SNX14: variants seen among roughly 807,000 people sequenced by gnomAD.
The protein encoded by SNX14 is sorting nexin-14.
SNX14 carries 93 observed loss-of-function variants against 133.8 expected under a neutral mutation model. The observed-to-expected ratio is 0.70, with a 90% CI of 0.59 to 0.83. SNX14 has a LOEUF of 0.83. SNX14 is among the 40% of genes least tolerant of loss of function. The pLI is 0.00. For synonymous variants in SNX14, 368 were observed against 365.6 expected (o/e 1.01, Z -0.07); for missense variants, 945 against 1,094.9 (o/e 0.86, Z 1.93).
Position 85,514,535 on chromosome 6 carries a change from T to C in SNX14, c.2363A>G (p.Glu788Gly), listed in dbSNP as rs1433019704. ...ATACATCAGGTAATCATAGACTCCT[T>C]CTACAGTCATCACCTCCATAAAATA... ...QNYFMEVMTV[E>G]GVYDYLMYVG... Residue 788 changes from glutamate to glycine, a missense_variant, in exon 24 of 29, where the codon GAA (glutamate) becomes GGA (glycine). By Grantham distance (98) the Glu-to-Gly change is moderately conservative. This residue lies in a region of SNX14 where 412 missense variants were observed against 516.6 expected (regional missense o/e 0.80). Coordinates refer to ENST00000314673, the MANE Select transcript of SNX14 (RefSeq NM_153816.6). The C allele has an allele frequency of 6.2e-7, 1 of 1,613,532 alleles. No individual in the cohort carries two copies.
chr6:85,538,587 T>C (rs1392117504), intron 16 of SNX14, among the ~76,000 whole-genome samples: 1 of 152,220 alleles, frequency 6.6e-6, no homozygotes, highest in South Asian at 2.1e-4. Flanking sequence ...TACTGACAAA[T>C]TAAACAATGA....
intron 2 of SNX14, among the ~76,000 whole-genome samples, chr6:85,573,594 A>G (rs1796356763): frequency 6.6e-6 from 1 of 152,210 alleles, no homozygotes; most frequent in Non-Finnish European, 1.5e-5. Flanking sequence ...AATTTCAGAA[A>G]TAAATTACTT....
At chr6:85,569,318 C>T (rs1419275784) in intron 4 of SNX14, among the ~76,000 whole-genome samples, 1 of 152,144 alleles carries the variant, frequency 6.6e-6, no homozygotes, top group East Asian at 1.9e-4. Context: ...TCCCTGCTTC[C>T]AAGCTCACTC....
chr6:85,514,404 A>G (rs1014450270), intron 24 of SNX14, 102 bp downstream of exon 24: 6 of 1,478,536 alleles, frequency 4.1e-6, no homozygotes, highest in Non-Finnish European at 5.5e-6. Context: ...GGTATCTTCA[A>G]TTAAAAAGAC....
At chr6:85,540,620 G>T (rs1186148665) in intron 15 of SNX14, among the ~76,000 whole-genome samples, 1 of 152,124 alleles carries the variant, frequency 6.6e-6, no homozygotes, top group Non-Finnish European at 1.5e-5. Context: ...TTTCAGAAAA[G>T]TTATTACATG....
intron 4 of SNX14, among the ~76,000 whole-genome samples, chr6:85,570,118 G>C (rs1333912633): frequency 6.6e-6 from 1 of 151,932 alleles, no homozygotes; most frequent in Admixed American, 6.6e-5. Context: ...AAATTATATT[G>C]TGATTACCTG....
At chr6:85,512,650 G>T (rs1464310441) in intron 26 of SNX14, among the ~76,000 whole-genome samples, 1 of 151,198 alleles carries the variant, frequency 6.6e-6, no homozygotes, top group African/African-American at 2.4e-5. Context: ...ATGTGGATGG[G>T]TAACCCCATG....
At position 85,565,319 on chromosome 6, in the gene SNX14, T is replaced by C; in HGVS notation, c.549+13A>G. 6.6e-7 allele frequency: 1 copy of C among 1,524,838 alleles called. No homozygotes were observed. The highest frequency in any genetic ancestry group is 8.9e-7 in the Non-Finnish European group (1 of 1,128,048). The allele number at this position is 1,524,838 out of a possible 1,614,324, so 94.5% of individuals were successfully genotyped here. On this transcript the variant is annotated intron_variant, in intron 6 of 28. Coordinates refer to ENST00000314673, the MANE Select transcript of SNX14 (RefSeq NM_153816.6). ...AGCCCCAAATTCCCAAATTTCTCAT[T>C]AAAAATATATACCTTGTGAATCCTT...
intron 26 of SNX14, chr6:85,508,320 T>TAAAAAAA: frequency 1.2e-6 from 1 of 868,804 alleles, no homozygotes. Context: ...AATGCTGCAG[T>TAAAAAAA]AAAAAAAAAA....
chr6:85,567,112 T>A (rs1794127807), intron 5 of SNX14, among the ~76,000 whole-genome samples: 1 of 152,256 alleles, frequency 6.6e-6, no homozygotes, highest in Non-Finnish European at 1.5e-5. Flanking sequence ...TACAAAATTA[T>A]TAAATCACTA....
At chr6:85,545,584 A>G (rs1276437843) in intron 12 of SNX14, among the ~76,000 whole-genome samples, 1 of 152,230 alleles carries the variant, frequency 6.6e-6, no homozygotes, top group Non-Finnish European at 1.5e-5. Flanking sequence ...ATTCATTAAG[A>G]AGATATAACA....
intron 12 of SNX14, among the ~76,000 whole-genome samples, chr6:85,544,121 ACT>A (rs1491145361): frequency 6.6e-6 from 1 of 152,168 alleles, no homozygotes; most frequent in Non-Finnish European, 1.5e-5. Flanking sequence ...AAAAATGAAG[ACT>A]TTTTTTAGTC....
chr6:85,541,952 T>A, intron 15 of SNX14, 33 bp downstream of exon 15: 6 of 1,540,550 alleles, frequency 3.9e-6, no homozygotes, highest in Non-Finnish European at 4.4e-6. Flanking sequence ...ATGACTGGCA[T>A]CAGCAAGTTC....
At chr6:85,508,251 T>C (rs1237829528) in intron 26 of SNX14, 192 bp from the exon 27 acceptor site, 1 of 1,228,200 alleles carries the variant, frequency 8.1e-7, no homozygotes, top group Non-Finnish European at 1.0e-6. Context: ...ACAAATGCAG[T>C]ATCATGTATC....
chr6:85,571,584 T>G (rs1187624109), intron 4 of SNX14, among the ~76,000 whole-genome samples: 1 of 152,174 alleles, frequency 6.6e-6, no homozygotes, highest in Non-Finnish European at 1.5e-5. Context: ...ATTCCTTGCC[T>G]TCAAGGACTT....
chr6:85,575,338 A>C (rs533198285), intron 1 of SNX14, among the ~76,000 whole-genome samples: 1 of 152,328 alleles, frequency 6.6e-6, no homozygotes, highest in Admixed American at 6.5e-5. Context: ...GTAACTGTAT[A>C]AAGTACAAAC....
At position 85,517,887 on chromosome 6, in the gene SNX14, G is replaced by C. The variant is rs763842768; in HGVS notation, c.2149-12C>G. On this transcript the variant is annotated splice_polypyrimidine_tract_variant and intron_variant, in intron 22 of 28. Coordinates refer to ENST00000314673, the MANE Select transcript of SNX14 (RefSeq NM_153816.6). ...AAATGCTGACCTTTCTGTGGTGATA[G>C]ATTATTGTAAGAAAATAAAAAATAA... 6.3e-7 allele frequency: 1 copy of C among 1,586,042 alleles called. No individual in the cohort carries two copies.
At chr6:85,586,972 A>G (rs1353787674) in intron 1 of SNX14, among the ~76,000 whole-genome samples, 3 of 152,086 alleles carry the variant, frequency 2.0e-5, no homozygotes, top group East Asian at 3.9e-4. Context: ...CTTGAACTGA[A>G]GAAGTGGAGA....
chr6:85,530,249 C>T lies in SNX14; in HGVS notation c.1837G>A (p.Val613Ile). Reference sequence around the variant, plus strand: ...TAGAATTCAAGATATCTTCTATAGACAGACCAATGTTCAGGCTCGTGTCCA... The same window carrying T: ...TAGAATTCAAGATATCTTCTATAGATAGACCAATGTTCAGGCTCGTGTCCA... ...AVGHEPEHWS[V>I]YRRYLEFYVL... is the part of the protein sequence containing the mutation. The change falls in exon 19 of 29, where the codon GTC becomes ATC. Residue 613 changes from valine to isoleucine, a missense_variant. Transcript: ENST00000314673. The T allele has an allele frequency of 6.2e-7, 1 of 1,602,060 alleles. No homozygotes were observed. The highest frequency in any genetic ancestry group is 8.5e-7 in the Non-Finnish European group (1 of 1,174,576).
Sources: gnomAD v4.1 joint callset for allele counts (sites outside exome capture counted in the v4.1 genomes callset) on GRCh38, gnomAD v4.1.1 for gene constraint, gnomAD v4.1.1 regional missense constraint, MANE v1.5 for transcripts, NCBI Gene and HGNC (gene_info 2026-07-23, HGNC 2026-07-21) for gene names.